The following RNF8 variants were observed in gnomAD, a reference collection of about 807,000 sequenced individuals.
The protein encoded by RNF8 is ring finger protein 8.
In RNF8, 8 loss-of-function variants were observed where a neutral mutation model predicts 59.3. That is an observed-to-expected ratio of 0.13 (90% CI 0.08 to 0.24). The LOEUF is 0.24. Among genes scored for constraint, RNF8 ranks in the 10% least tolerant of loss-of-function variants. The pLI is 1.00. For synonymous variants in RNF8, 162 were observed against 200.0 expected (o/e 0.81, Z 1.60); for missense variants, 406 against 572.6 (o/e 0.71, Z 2.97).
At position 37,376,936 on chromosome 6, in the gene RNF8, A is replaced by C. The variant is rs1200964051; in HGVS notation, c.1139A>C (p.Glu380Ala). Residue 380 changes from glutamate to alanine, a missense_variant, in exon 6 of 8, where the codon GAG becomes GCG. This residue lies in a region of RNF8 where 285 missense variants were observed against 342.0 expected (regional missense o/e 0.83). Coordinates refer to ENST00000373479, the MANE Select transcript of RNF8 (RefSeq NM_003958.4). ...TTGTGTGTCTTGCAGGAAGAGAAGG[A>C]GAAGATGCAAGCACAGAAGGAAGAA... is the stretch of plus-strand genomic sequence containing the variant. ...KELEQTKEEK[E>A]KMQAQKEEVL... The C allele has an allele frequency of 3.7e-6, 6 of 1,611,924 alleles. No homozygotes were observed. The highest frequency in any genetic ancestry group is 5.1e-6 in the Non-Finnish European group (6 of 1,178,134).
In RNF8 at chr6:37,369,104, A is replaced by G; in HGVS notation, c.861A>G (p.Gln287=). 6.2e-7 allele frequency: 1 copy of G among 1,614,230 alleles called. No individual in the cohort carries two copies. The highest frequency in any genetic ancestry group is 8.5e-7 in the Non-Finnish European group (1 of 1,180,020). ...TQKGNSKKVV[Q]MEQELQDLQS... The stretch of plus-strand genomic sequence containing the variant: ...AGGGGAACTCAAAGAAAGTTGTGCA[A>G]ATGGAGCAGGAACTTCAGGACTTAC... The change falls in exon 3 of 8, where the codon CAA becomes CAG. Residue 287 remains glutamine, a synonymous_variant. Transcript: ENST00000373479.
In RNF8 at chr6:37,391,038, T is replaced by C; in HGVS notation, c.*280T>C. 1 of 568,270 alleles carries C rather than the reference T, an allele frequency of 1.8e-6. No homozygotes were observed. The highest frequency in any genetic ancestry group is 3.1e-6 in the Non-Finnish European group (1 of 319,712). 35.2% of individuals were successfully genotyped at this position (568,270 alleles called of 1,614,324 possible). A position where few individuals can be genotyped will look rare whatever the true frequency, so the allele number is the denominator to read the frequency against. On this transcript the variant is annotated 3_prime_UTR_variant, in exon 8 of 8. Transcript: ENST00000373479. ...CATGTCGAAAGAGTTATTTGAGTTC[T>C]CTTCTGTTTTTTTTTAATTTGTTGT...
At chr6:37,366,463 A>G (rs188116347) in intron 2 of RNF8, among the ~76,000 whole-genome samples, 1 of 152,336 alleles carries the variant, frequency 6.6e-6, no homozygotes, top group African/African-American at 2.4e-5. Context: ...TCTCAGGCTG[A>G]ATAGAAAGAG....
rs1263510130 is a variant in RNF8 at position 37,362,567 on chromosome 6, C to A, written c.240+1993C>A. Among the ~76,000 whole-genome samples, 3 of 152,166 alleles carry A rather than the reference C, an allele frequency of 2.0e-5. 1 individual carries two copies. The highest frequency in any genetic ancestry group is 4.8e-5 in the African/African-American group (2 of 41,442). ...GGGTGTTTTGATGGAACAATTCTTA[C>A]AAGTAAATCCCCCCTGCCCCCTGCA... On this transcript the variant is annotated intron_variant, in intron 2 of 7. Coordinates refer to ENST00000373479, the MANE Select transcript of RNF8 (RefSeq NM_003958.4).
intron 1 of RNF8, among the ~76,000 whole-genome samples, chr6:37,357,015 A>G (rs192052317): frequency 9.2e-5 from 14 of 152,366 alleles, no homozygotes; most frequent in Admixed American, 2.0e-4. Flanking sequence ...CTGGAATTAC[A>G]GGTGTGAGCC....
chr6:37,356,367 G>C (rs927050195), intron 1 of RNF8, among the ~76,000 whole-genome samples: 3 of 152,196 alleles, frequency 2.0e-5, no homozygotes, highest in African/African-American at 7.2e-5. Flanking sequence ...AAGCTGTTTT[G>C]CACAAGATTT....
chr6:37,369,425 G>A (rs963359936), intron 3 of RNF8, among the ~76,000 whole-genome samples: 6 of 152,214 alleles, frequency 3.9e-5, no homozygotes, highest in African/African-American at 7.2e-5. Flanking sequence ...GAGATCAGGA[G>A]CCAGAGTTAG....
intron 7 of RNF8, among the ~76,000 whole-genome samples, chr6:37,383,439 T>C (rs1320623244): frequency 2.0e-5 from 3 of 152,220 alleles, no homozygotes; most frequent in East Asian, 1.9e-4. Flanking sequence ...ATCTGGAAAC[T>C]AGGATTGGCA....
chr6:37,372,942 C>G lies in RNF8; in HGVS notation c.1038+1368C>G, dbSNP rs536995370. 5.7e-4 allele frequency among the ~76,000 whole-genome samples: 87 copies of G among 152,256 alleles called. 1 individual carries two copies. Among genetic ancestry groups the G allele is most frequent in the African/African-American group, 2.0e-3 (83 of 41,568 alleles). On this transcript the variant is annotated intron_variant, in intron 4 of 7. Coordinates refer to ENST00000373479, the MANE Select transcript of RNF8 (RefSeq NM_003958.4). ...TGAGATCGTGCCATTGCTCTCCAGC[C>G]TGGGCAACAAGACTCCGTCTCAAAA...
chr6:37,354,709 G>A (rs1373406068), intron 1 of RNF8, among the ~76,000 whole-genome samples: 1 of 151,828 alleles, frequency 6.6e-6, no homozygotes, highest in African/African-American at 2.4e-5. Flanking sequence ...GGAGATGCGG[G>A]GGTGTCGAGG....
chr6:37,378,801 T>C (rs998691633), intron 6 of RNF8, among the ~76,000 whole-genome samples: 7 of 151,936 alleles, frequency 4.6e-5, no homozygotes, highest in Non-Finnish European at 1.5e-5. Flanking sequence ...TTTGGAGAAG[T>C]TCTATGTTGT....
chr6:37,376,263 A>G (rs1329282342), intron 5 of RNF8, among the ~76,000 whole-genome samples: 5 of 152,166 alleles, frequency 3.3e-5, no homozygotes, highest in Admixed American at 2.6e-4. Flanking sequence ...TGGTGTGGTT[A>G]GTATGTCACC....
intron 4 of RNF8, among the ~76,000 whole-genome samples, chr6:37,372,855 G>A (rs1050718424): frequency 7.2e-5 from 11 of 152,302 alleles, no homozygotes; most frequent in South Asian, 6.2e-4. Context: ...TGTAATCCCA[G>A]CTATTCAGGA....
At chr6:37,390,163 G>C (rs1306984359) in intron 7 of RNF8, among the ~76,000 whole-genome samples, 2 of 152,216 alleles carry the variant, frequency 1.3e-5, no homozygotes, top group Admixed American at 6.5e-5. Context: ...ATCTTTAACA[G>C]ATATATTGAG....
In RNF8 at chr6:37,390,878, C is replaced by CA; in HGVS notation, c.*121dup. The stretch of plus-strand genomic sequence containing the variant: ...AGGTCAACTGAGAAGTCTTGTGGGA[C>CA]AGAGACTTGAGTTAGGAAGCCCTCA... On this transcript the variant is annotated 3_prime_UTR_variant, in exon 8 of 8. Coordinates refer to ENST00000373479, the MANE Select transcript of RNF8 (RefSeq NM_003958.4). 1 of 1,557,360 alleles carries CA rather than the reference C, an allele frequency of 6.4e-7. No homozygotes were observed. Among genetic ancestry groups the CA allele is most frequent in the Non-Finnish European group, 8.9e-7 (1 of 1,128,686 alleles).
intron 3 of RNF8, among the ~76,000 whole-genome samples, 169 bp from the exon 4 acceptor site, chr6:37,371,343 T>C (rs57118340): frequency 0.027 from 4,161 of 152,256 alleles, 162 homozygotes; most frequent in East Asian, 0.089. Context: ...ACTGCTCAAA[T>C]TCTTTACTGC....
intron 1 of RNF8, among the ~76,000 whole-genome samples, chr6:37,357,756 A>C (rs959549291): frequency 1.4e-4 from 21 of 152,222 alleles, no homozygotes; most frequent in African/African-American, 4.1e-4. Context: ...TTCCAATGGT[A>C]ATACAGTCTC....
chr6:37,371,026 C>T (rs895699942), intron 3 of RNF8, among the ~76,000 whole-genome samples: 4 of 152,048 alleles, frequency 2.6e-5, no homozygotes, highest in Non-Finnish European at 5.9e-5. Flanking sequence ...ACAGCATAAG[C>T]TCAGGCAAGG....
chr6:37,364,368 A>G (rs1581670604), intron 2 of RNF8, among the ~76,000 whole-genome samples: 3 of 152,146 alleles, frequency 2.0e-5, no homozygotes, highest in Admixed American at 2.0e-4. Context: ...TGGGATGCTG[A>G]TAATGTGGGG....
Sources: gnomAD v4.1 joint callset for allele counts (sites outside exome capture counted in the v4.1 genomes callset) on GRCh38, gnomAD v4.1.1 for gene constraint, gnomAD v4.1.1 regional missense constraint, MANE v1.5 for transcripts, NCBI Gene and HGNC (gene_info 2026-07-23, HGNC 2026-07-21) for gene names.